The following DLG2 variants were observed in gnomAD, a reference collection of about 807,000 sequenced individuals.
DLG2 encodes the protein discs large MAGUK scaffold protein 2, also known as disks large homolog 2.
A neutral mutation model predicts 132.5 loss-of-function variants in DLG2; 45 were observed. That is an observed-to-expected ratio of 0.34 (90% CI 0.27 to 0.44). DLG2 has a LOEUF of 0.44. Ranked by LOEUF, DLG2 falls within the 20% of genes least tolerant of loss-of-function variation. DLG2 has a pLI of 1.00. For missense variants in DLG2, 1,045 were observed against 1,196.9 expected (o/e 0.87, Z 1.87); for synonymous variants, 424 against 419.6 (o/e 1.01, Z -0.13).
chr11:85,020,116 C>G (rs1462585802), intron 6 of DLG2, among the ~76,000 whole-genome samples: 2 of 152,298 alleles, frequency 1.3e-5, no homozygotes, highest in African/African-American at 2.4e-5. Context: ...TCTCCACATC[C>G]TCTCCAGCAC....
At chr11:84,213,510 G>C (rs182142344) in intron 8 of DLG2, among the ~76,000 whole-genome samples, 1 of 151,994 alleles carries the variant, frequency 6.6e-6, no homozygotes, top group Non-Finnish European at 1.5e-5. Flanking sequence ...CCAGACTTAA[G>C]ACCTACTAAA....
At chr11:85,575,326 G>C (rs2078089180) in intron 3 of DLG2, among the ~76,000 whole-genome samples, 2 of 151,812 alleles carry the variant, frequency 1.3e-5, no homozygotes, top group Admixed American at 6.6e-5. Flanking sequence ...ACTTGAGCCT[G>C]AGAGTTGGAC....
intron 14 of DLG2, among the ~76,000 whole-genome samples, chr11:83,937,528 A>G (rs1203147741): frequency 6.6e-6 from 1 of 151,402 alleles, no homozygotes; most frequent in Non-Finnish European, 1.5e-5. Context: ...AAAAAAAAAA[A>G]AATTGAAACC....
chr11:85,350,926 T>C (rs1242492631), intron 3 of DLG2, among the ~76,000 whole-genome samples: 1 of 152,200 alleles, frequency 6.6e-6, no homozygotes, highest in East Asian at 1.9e-4. Context: ...TTTAAAGAAG[T>C]TTTTTCCAAT....
At chr11:84,443,913 AT>A (rs1458372895) in intron 7 of DLG2, among the ~76,000 whole-genome samples, 2 of 151,630 alleles carry the variant, frequency 1.3e-5, no homozygotes, top group African/African-American at 4.9e-5. Flanking sequence ...TTATGTTTAC[AT>A]TTTTATCATT....
At chr11:84,583,925 A>G (rs891993254) in intron 6 of DLG2, among the ~76,000 whole-genome samples, 7 of 152,058 alleles carry the variant, frequency 4.6e-5, no homozygotes, top group African/African-American at 1.7e-4. Context: ...TATTATGTGA[A>G]TATTCCATAA....
At chr11:83,874,623 G>T (rs2064292328) in intron 15 of DLG2, 135 bp from the exon 16 acceptor site, 2 of 518,974 alleles carry the variant, frequency 3.9e-6, no homozygotes, top group East Asian at 3.4e-5. Flanking sequence ...TGCCATGTTG[G>T]TGTGCTGCAC....
chr11:85,084,226 G>T (rs375775834), intron 6 of DLG2, among the ~76,000 whole-genome samples: 39 of 152,094 alleles, frequency 2.6e-4, no homozygotes, highest in Non-Finnish European at 2.5e-4. Context: ...AGAAAGTAGA[G>T]AATTTCTGGA....
intron 8 of DLG2, among the ~76,000 whole-genome samples, chr11:84,194,156 TC>T (rs1195992312): frequency 6.6e-6 from 1 of 152,218 alleles, no homozygotes; most frequent in Non-Finnish European, 1.5e-5. Flanking sequence ...ATGCTTCTCT[TC>T]CTCCTATACT....
At chr11:84,270,774 T>G (rs910148156) in intron 7 of DLG2, among the ~76,000 whole-genome samples, 27 of 152,234 alleles carry the variant, frequency 1.8e-4, no homozygotes, top group African/African-American at 6.0e-4. Context: ...CTCCTAAGAT[T>G]AACGACATCA....
rs117104026 is a variant in DLG2 at position 85,178,651 on chromosome 11, A to G, written c.187-24000T>C. On this transcript the variant is annotated intron_variant, in intron 4 of 27. Coordinates refer to ENST00000376104, the MANE Select transcript of DLG2 (RefSeq NM_001142699.3). ...CAAACAAATTATGTTGGAAAACAGGAAGAGAGGGAACAAGAGGTAGAACAA... is the reference window on the plus strand; with the variant it reads ...CAAACAAATTATGTTGGAAAACAGGGAGAGAGGGAACAAGAGGTAGAACAA... Among the ~76,000 whole-genome samples the G allele has an allele frequency of 3.9e-3, 597 of 152,070 alleles. 1 individual carries two copies. The highest frequency in any genetic ancestry group is 6.8e-3 in the Middle Eastern group (2 of 294).
intron 17 of DLG2, among the ~76,000 whole-genome samples, chr11:83,819,689 C>T (rs1375825627): frequency 6.6e-6 from 1 of 151,930 alleles, no homozygotes; most frequent in African/African-American, 2.4e-5. Flanking sequence ...AACATTGGTC[C>T]ATCAGGAAAG....
At position 84,442,856 on chromosome 11, in the gene DLG2, T is replaced by C. The variant is rs78506623; in HGVS notation, c.519+91714A>G. 1.8e-3 allele frequency among the ~76,000 whole-genome samples: 281 copies of C among 152,242 alleles called. 1 individual carries two copies. The highest frequency in any genetic ancestry group is 6.6e-3 in the African/African-American group (273 of 41,540). On this transcript the variant is annotated intron_variant, in intron 7 of 27. Coordinates refer to ENST00000376104, the MANE Select transcript of DLG2 (RefSeq NM_001142699.3). ...TATTAGCTGGAAAAAGTGCAATAATTAGTGCTAATGTATATTAAAAAGCAA... is the reference window on the plus strand; with the variant it reads ...TATTAGCTGGAAAAAGTGCAATAATCAGTGCTAATGTATATTAAAAAGCAA...
At chr11:85,036,906 T>G (rs2061480337) in intron 6 of DLG2, among the ~76,000 whole-genome samples, 1 of 152,042 alleles carries the variant, frequency 6.6e-6, no homozygotes, top group Non-Finnish European at 1.5e-5. Context: ...TGACATAGCT[T>G]GAGAGAAAGA....
At chr11:85,257,069 AGAG>A (rs1397488795) in intron 4 of DLG2, among the ~76,000 whole-genome samples, 6 of 152,226 alleles carry the variant, frequency 3.9e-5, no homozygotes, top group African/African-American at 1.4e-4. Flanking sequence ...AGAAAAAGAC[AGAG>A]AAGAACATCA....
chr11:84,558,548 C>G (rs2099416566), intron 6 of DLG2, among the ~76,000 whole-genome samples: 1 of 152,184 alleles, frequency 6.6e-6, no homozygotes, highest in Non-Finnish European at 1.5e-5. Context: ...TTAATCACAG[C>G]ACACATTCTA....
At chr11:84,037,239 T>C (rs1242038508) in intron 11 of DLG2, among the ~76,000 whole-genome samples, 1 of 152,136 alleles carries the variant, frequency 6.6e-6, no homozygotes, top group Non-Finnish European at 1.5e-5. Flanking sequence ...TGGAGAAAGA[T>C]ACTTCTGAAA....
intron 7 of DLG2, among the ~76,000 whole-genome samples, chr11:84,491,869 C>G (rs568223753): frequency 1.3e-5 from 2 of 152,026 alleles, no homozygotes; most frequent in Non-Finnish European, 2.9e-5. Context: ...TGGTGTGGCC[C>G]GGTCATTGAT....
intron 3 of DLG2, among the ~76,000 whole-genome samples, chr11:85,311,651 A>C (rs1157963468): frequency 6.6e-6 from 1 of 152,078 alleles, no homozygotes; most frequent in Non-Finnish European, 1.5e-5. Context: ...TTGAAATGAA[A>C]CCTTATAGAT....
Sources: gnomAD v4.1 joint callset for allele counts (sites outside exome capture counted in the v4.1 genomes callset) on GRCh38, gnomAD v4.1.1 for gene constraint, MANE v1.5 for transcripts, NCBI Gene and HGNC (gene_info 2026-07-23, HGNC 2026-07-21) for gene names.